Variants in EDDM3A observed in about 807,000 individuals in gnomAD.
The protein encoded by EDDM3A is epididymal protein 3A.
For missense variants in EDDM3A, 199 were observed against 177.4 expected, an observed-to-expected ratio of 1.12 and a Z score of -0.69; for synonymous variants, 75 against 60.4, an observed-to-expected ratio of 1.24 and a Z score of -1.12.
chr14:20,743,403 A>T (rs1175388190), upstream of EDDM3A, among the ~76,000 whole-genome samples: 1 of 152,032 alleles, frequency 6.6e-6, no homozygotes, highest in Non-Finnish European at 1.5e-5. Context: ...TACAAAAATT[A>T]CCCGGATGTG....
the EDDM3A span, among the ~76,000 whole-genome samples, chr14:20,737,054 C>CTTTTTTCTTTTTTTTTTTTTTTTTTT: frequency 2.0e-4 from 22 of 109,952 alleles, no homozygotes; most frequent in African/African-American, 6.6e-4. Flanking sequence ...TTTCTTTTTC[C>CTTTTTTCTTTTTTTTTTTTTTTTTTT]TTTTTTTTTT....
chr14:20,745,116 C>T (rs1877542187), upstream of EDDM3A, among the ~76,000 whole-genome samples: 1 of 151,854 alleles, frequency 6.6e-6, no homozygotes, highest in South Asian at 2.1e-4. Flanking sequence ...GTCCCAGCTA[C>T]TCAAGAGGCT....
rs759393899 is a variant in EDDM3A, at chr14:20,748,045, G to C, written c.*21G>C. The C allele has an allele frequency of 3.9e-6, 6 of 1,557,224 alleles. No homozygotes were observed. Among genetic ancestry groups the C allele is most frequent in the Non-Finnish European group, 5.2e-6 (6 of 1,151,088 alleles). ...ACTAGAAAGTCTATGCACATCCTCA[G>C]ATATTGGTAGAGTATTCAGTGCTTC... On this transcript the variant is annotated 3_prime_UTR_variant, in exon 2 of 2. Transcript: ENST00000326842.
At chr14:20,737,602 A>G in the EDDM3A span, among the ~76,000 whole-genome samples, 1 of 152,224 alleles carries the variant, frequency 6.6e-6, no homozygotes, top group African/African-American at 2.4e-5. Flanking sequence ...CCTAAGGATG[A>G]CACATCAAGT....
chr14:20,736,990 G>A, the EDDM3A span, among the ~76,000 whole-genome samples: 1 of 151,946 alleles, frequency 6.6e-6, no homozygotes, highest in Non-Finnish European at 1.5e-5. Flanking sequence ...TAGGATTATA[G>A]GCGTGAGCCA....
upstream of EDDM3A, among the ~76,000 whole-genome samples, chr14:20,742,212 T>A (rs1222550930): frequency 1.3e-5 from 2 of 152,178 alleles, no homozygotes; most frequent in Non-Finnish European, 2.9e-5. Flanking sequence ...CTGATTCCCA[T>A]CCTGGGCAGA....
upstream of EDDM3A, among the ~76,000 whole-genome samples, chr14:20,741,342 T>G (rs1236067971): frequency 6.6e-6 from 1 of 152,184 alleles, no homozygotes; most frequent in African/African-American, 2.4e-5. Context: ...CCAGTGAAAT[T>G]TGCAACAAGT....
upstream of EDDM3A, among the ~76,000 whole-genome samples, chr14:20,745,048 C>G (rs1468592313): frequency 6.6e-6 from 1 of 152,022 alleles, no homozygotes; most frequent in Non-Finnish European, 1.5e-5. Flanking sequence ...ATGGTGAAAC[C>G]CTGTCTCTAC....
In EDDM3A at chr14:20,747,914, A is replaced by G. The variant is rs1328725477; in HGVS notation, c.334A>G (p.Asn112Asp). Residue 112 changes from asparagine (N) to aspartate (D), a missense_variant, in exon 2 of 2, where the codon AAT becomes GAT. Asn to Asp is a conservative substitution (Grantham distance 23). Coordinates refer to ENST00000326842, the MANE Select transcript of EDDM3A (RefSeq NM_006683.5). ...CGAGTGTCACTGGGAGAAGTACAAC[A>G]ATAGGTACACAGAGAGCAGAAGCTT... ...VLECHWEKYN[N>D]RYTESRSFSY... 6.2e-7 allele frequency: 1 copy of G among 1,614,188 alleles called. No individual in the cohort carries two copies. Among genetic ancestry groups the G allele is most frequent in the South Asian group, 1.1e-5 (1 of 91,086 alleles).
chr14:20,737,587 C>T, the EDDM3A span, among the ~76,000 whole-genome samples: 1 of 152,110 alleles, frequency 6.6e-6, no homozygotes, highest in Non-Finnish European at 1.5e-5. Context: ...TAAGGTGTTA[C>T]CTTTCCTAAG....
At chr14:20,737,059 T>TTC in the EDDM3A span, among the ~76,000 whole-genome samples, 558 of 148,350 alleles carry the variant, frequency 3.8e-3, 26 homozygotes, top group East Asian at 0.088. Context: ...TTTTCCTTTT[T>TTC]TTTTTTTTTT....
chr14:20,737,054 C>CTTTTTTCTTT, the EDDM3A span, among the ~76,000 whole-genome samples: 1 of 109,962 alleles, frequency 9.1e-6, no homozygotes, highest in Non-Finnish European at 2.0e-5. Flanking sequence ...TTTCTTTTTC[C>CTTTTTTCTTT]TTTTTTTTTT....
the EDDM3A span, among the ~76,000 whole-genome samples, chr14:20,740,564 C>T: frequency 6.6e-6 from 1 of 152,166 alleles, no homozygotes; most frequent in Non-Finnish European, 1.5e-5. Context: ...TGCTCAAGGA[C>T]ATTTTTACCA....
At chr14:20,739,196 A>G in the EDDM3A span, among the ~76,000 whole-genome samples, 6 of 152,348 alleles carry the variant, frequency 3.9e-5, no homozygotes, top group Admixed American at 2.6e-4. Flanking sequence ...TGCTTTTACT[A>G]AAGGGTAAGC....
rs2139084389 is a variant in EDDM3A, at chr14:20,748,257, A to C, written c.*233A>C. The C allele has an allele frequency of 1.1e-5, 5 of 442,460 alleles. No individual in the cohort carries two copies. The highest frequency in any genetic ancestry group is 6.1e-4 in the Middle Eastern group (1 of 1,632). 27.4% of individuals were successfully genotyped at this position (442,460 alleles called of 1,614,324 possible). On this transcript the variant is annotated 3_prime_UTR_variant, in exon 2 of 2. Transcript: ENST00000326842. ...CCTAATTTACACCCACATTTTTTCC[A>C]AGATTCAGCTCATATGGCATCTGTC...
the EDDM3A span, among the ~76,000 whole-genome samples, chr14:20,739,340 T>G: frequency 6.6e-6 from 1 of 152,212 alleles, no homozygotes; most frequent in Admixed American, 6.5e-5. Context: ...GGGATAAATA[T>G]CAGAGCTTTA....
chr14:20,736,625 T>C, the EDDM3A span, among the ~76,000 whole-genome samples: 1 of 152,196 alleles, frequency 6.6e-6, no homozygotes, highest in Admixed American at 6.5e-5. Context: ...TTTTCTACTT[T>C]AATTTTGACT....
the EDDM3A span, among the ~76,000 whole-genome samples, chr14:20,738,481 A>ATAAATAAG: frequency 8.6e-6 from 1 of 116,452 alleles, no homozygotes; most frequent in African/African-American, 3.1e-5. Context: ...AAATAAATAA[A>ATAAATAAG]TAAATAAATA....
upstream of EDDM3A, among the ~76,000 whole-genome samples, chr14:20,741,366 G>C (rs1481797677): frequency 6.6e-6 from 1 of 152,220 alleles, no homozygotes; most frequent in African/African-American, 2.4e-5. Context: ...AGGGGCACTG[G>C]ACATATCTTT....
Sources: gnomAD v4.1 joint callset for allele counts (sites outside exome capture counted in the v4.1 genomes callset) on GRCh38, gnomAD v4.1.1 for gene constraint, MANE v1.5 for transcripts, NCBI Gene and HGNC (gene_info 2026-07-23, HGNC 2026-07-21) for gene names.